The following GRIN2A variants were observed in gnomAD, a reference collection of about 807,000 sequenced individuals.
The protein encoded by GRIN2A is glutamate ionotropic receptor NMDA type subunit 2A, also known as glutamate receptor ionotropic, NMDA 2A.
In GRIN2A, 22 loss-of-function variants were observed where a neutral mutation model predicts 113.4. That is an observed-to-expected ratio of 0.19 (90% CI 0.14 to 0.28). The LOEUF (loss-of-function observed/expected upper bound fraction) is 0.28, where lower values mean the gene tolerates loss of function less well. Among genes scored for constraint, GRIN2A ranks in the 10% least tolerant of loss-of-function variants. GRIN2A has a pLI of 1.00. For missense variants in GRIN2A, 1,502 were observed against 1,887.0 expected, an observed-to-expected ratio of 0.80 and a Z score of 3.78; for synonymous variants, 827 against 738.4, an observed-to-expected ratio of 1.12 and a Z score of -1.94.
intron 7 of GRIN2A, among the ~76,000 whole-genome samples, chr16:9,838,398 T>A (rs1037170832): frequency 2.6e-5 from 4 of 152,144 alleles, no homozygotes; most frequent in Non-Finnish European, 5.9e-5. Flanking sequence ...AATCAACCTA[T>A]GAGCCCATCA....
At chr16:10,125,531 A>G (rs936665797) in intron 2 of GRIN2A, among the ~76,000 whole-genome samples, 8 of 151,804 alleles carry the variant, frequency 5.3e-5, no homozygotes, top group African/African-American at 1.5e-4. Context: ...CAAATCTAAG[A>G]CATGACAGGG....
rs568394443 is a variant in GRIN2A, at chr16:9,793,845, G to A, written c.2356+4432C>T. Among the ~76,000 whole-genome samples, 48 of 152,036 alleles carry A rather than the reference G, an allele frequency of 3.2e-4. 1 individual carries two copies. The South Asian group carries it at 8.7e-3, about 28-fold the overall frequency. On this transcript the variant is annotated intron_variant, in intron 11 of 12. Transcript: ENST00000330684. ...TGTCTACATATGTGTATATATACACGTGTGATATAAATTTATATATGTGAA... is the reference window on the plus strand; with the variant it reads ...TGTCTACATATGTGTATATATACACATGTGATATAAATTTATATATGTGAA...
intron 2 of GRIN2A, among the ~76,000 whole-genome samples, chr16:10,066,477 A>G (rs2047651317): frequency 6.6e-6 from 1 of 152,212 alleles, no homozygotes; most frequent in Non-Finnish European, 1.5e-5. Context: ...GCAAAATAGC[A>G]GTTCCATACA....
intron 9 of GRIN2A, among the ~76,000 whole-genome samples, chr16:9,828,239 C>T (rs1257511556): frequency 6.6e-6 from 1 of 152,182 alleles, no homozygotes; most frequent in African/African-American, 2.4e-5. Flanking sequence ...TGAGATAACA[C>T]AGGGCTTTGT....
chr16:9,964,619 G>A lies in GRIN2A; in HGVS notation c.415-26068C>T, dbSNP rs549686451. Among the ~76,000 whole-genome samples the A allele has an allele frequency of 2.2e-3, 341 of 152,154 alleles. 3 individuals are homozygous for A. The highest frequency in any genetic ancestry group is 3.1e-3 in the Non-Finnish European group (210 of 68,036). On this transcript the variant is annotated intron_variant, in intron 2 of 12. Coordinates refer to ENST00000330684, the MANE Select transcript of GRIN2A (RefSeq NM_001134407.3). The stretch of plus-strand genomic sequence containing the variant: ...TCCTTGACTTTTCCACCTTTCAGAG[G>A]CTGCCCACATTCCTCGGCTTATGAC...
intron 2 of GRIN2A, among the ~76,000 whole-genome samples, chr16:10,051,555 G>A (rs2047360620): frequency 6.6e-6 from 1 of 152,198 alleles, no homozygotes; most frequent in Admixed American, 6.5e-5. Flanking sequence ...AGTATACAAA[G>A]CTGGAAGGAA....
At chr16:10,151,633 A>T (rs1303307780) in intron 2 of GRIN2A, among the ~76,000 whole-genome samples, 1 of 152,204 alleles carries the variant, frequency 6.6e-6, no homozygotes, top group East Asian at 1.9e-4. Context: ...CCTTCAAATC[A>T]TATCAGGCTG....
intron 2 of GRIN2A, among the ~76,000 whole-genome samples, chr16:10,111,177 C>G (rs1250519789): frequency 6.6e-6 from 1 of 152,164 alleles, no homozygotes; most frequent in Non-Finnish European, 1.5e-5. Flanking sequence ...AAGGTTTATG[C>G]ACAGAGATGT....
chr16:9,964,172 G>A (rs867317751), intron 2 of GRIN2A, among the ~76,000 whole-genome samples: 1 of 152,198 alleles, frequency 6.6e-6, no homozygotes, highest in Non-Finnish European at 1.5e-5. Context: ...TGTGTGCAAA[G>A]GCACTGCCGC....
At chr16:9,927,532 C>G (rs186170491) in intron 3 of GRIN2A, among the ~76,000 whole-genome samples, 7 of 152,050 alleles carry the variant, frequency 4.6e-5, no homozygotes, top group Admixed American at 4.6e-4. Context: ...GAAGTCCAAA[C>G]TTCTTCTGGA....
chr16:10,177,599 C>T (rs764497045), intron 2 of GRIN2A, among the ~76,000 whole-genome samples: 2 of 152,174 alleles, frequency 1.3e-5, no homozygotes, highest in Non-Finnish European at 2.9e-5. Context: ...CTTCCTCTTG[C>T]CCTTTCCTGA....
intron 2 of GRIN2A, among the ~76,000 whole-genome samples, chr16:10,075,663 C>T (rs536956811): frequency 1.3e-5 from 2 of 152,062 alleles, no homozygotes; most frequent in African/African-American, 2.4e-5. Context: ...GGACAGTCAC[C>T]CTACAGGGCA....
chr16:10,083,186 C>A (rs1267374708), intron 2 of GRIN2A, among the ~76,000 whole-genome samples: 1 of 152,360 alleles, frequency 6.6e-6, no homozygotes, highest in South Asian at 2.1e-4. Flanking sequence ...TTTGCAGAAG[C>A]TACAGTAGAG....
At chr16:10,094,531 C>T (rs1009004773) in intron 2 of GRIN2A, among the ~76,000 whole-genome samples, 1 of 152,106 alleles carries the variant, frequency 6.6e-6, no homozygotes, top group Non-Finnish European at 1.5e-5. Flanking sequence ...CTCACTGCAA[C>T]CTCCACCTCT....
At position 9,781,576 on chromosome 16, in the gene GRIN2A, G is replaced by C. The variant is rs556631586; in HGVS notation, c.2357-12487C>G. Among the ~76,000 whole-genome samples, 6 of 152,204 alleles carry C rather than the reference G, an allele frequency of 3.9e-5. No homozygotes were observed. In the South Asian group the frequency reaches 1.2e-3, roughly 32 times the overall value. On this transcript the variant is annotated intron_variant, in intron 11 of 12. Coordinates refer to ENST00000330684, the MANE Select transcript of GRIN2A (RefSeq NM_001134407.3). Reference sequence around the variant, plus strand: ...GGGTCTCACCATGTTGCCCAGGCTAGTCTTGAACTCCTGGGCTCAAGCAAT... The same window carrying C: ...GGGTCTCACCATGTTGCCCAGGCTACTCTTGAACTCCTGGGCTCAAGCAAT...
chr16:9,794,323 C>CTCAT (rs2141218071), intron 11 of GRIN2A, among the ~76,000 whole-genome samples: 1 of 152,282 alleles, frequency 6.6e-6, no homozygotes, highest in African/African-American at 2.4e-5. Flanking sequence ...ACTTTTGACA[C>CTCAT]TCATTAGACT....
At chr16:9,879,567 C>T (rs1041748395) in intron 4 of GRIN2A, among the ~76,000 whole-genome samples, 9 of 152,164 alleles carry the variant, frequency 5.9e-5, no homozygotes, top group African/African-American at 1.9e-4. Context: ...ACCCAAGCCA[C>T]GTAAATAGGC....
chr16:9,763,018 A>G lies in GRIN2A; in HGVS notation c.*131T>C. 2.2e-6 allele frequency: 2 copies of G among 915,988 alleles called. No homozygotes were observed. Among genetic ancestry groups the G allele is most frequent in the Non-Finnish European group, 3.4e-6 (2 of 594,668 alleles). The allele number at this position is 915,988 out of a possible 1,614,324, so 56.7% of individuals were successfully genotyped here. Reference sequence around the variant, plus strand: ...GAAGCCGTGTGCAAAAGAGCCAACAACAACAACAACAAAATACCTCCCTAC... The same window carrying G: ...GAAGCCGTGTGCAAAAGAGCCAACAGCAACAACAACAAAATACCTCCCTAC... On this transcript the variant is annotated 3_prime_UTR_variant, in exon 13 of 13. Transcript: ENST00000330684.
At chr16:9,954,762 C>T (rs2141683408) in intron 2 of GRIN2A, among the ~76,000 whole-genome samples, 1 of 152,316 alleles carries the variant, frequency 6.6e-6, no homozygotes, top group African/African-American at 2.4e-5. Context: ...CTAAATAAAT[C>T]TCTCTACCCG....
Sources: gnomAD v4.1 joint callset for allele counts (sites outside exome capture counted in the v4.1 genomes callset) on GRCh38, gnomAD v4.1.1 for gene constraint, MANE v1.5 for transcripts, NCBI Gene and HGNC (gene_info 2026-07-23, HGNC 2026-07-21) for gene names.